Variants in TENM2 observed in about 807,000 individuals in gnomAD.
The protein encoded by TENM2 is teneurin transmembrane protein 2.
TENM2 carries 52 observed loss-of-function variants against 245.2 expected under a neutral mutation model. The ratio of observed to expected loss-of-function variants is 0.21; its 90% CI spans 0.17 to 0.27. The LOEUF (loss-of-function observed/expected upper bound fraction) is 0.27. Ranked by LOEUF, TENM2 falls within the 10% of genes least tolerant of loss-of-function variation. The pLI is 1.00. For synonymous variants in TENM2, 1,363 were observed against 1,438.9 expected (o/e 0.95, Z 1.19); for missense variants, 3,046 against 3,666.8 (o/e 0.83, Z 4.37).
intron 6 of TENM2, among the ~76,000 whole-genome samples, chr5:168,048,989 C>T (rs968740317): frequency 1.3e-5 from 2 of 152,208 alleles, no homozygotes; most frequent in African/African-American, 4.8e-5. Flanking sequence ...AAGCCCAGAG[C>T]CAAATGTATT....
At chr5:167,843,679 T>C (rs1006782061) in intron 2 of TENM2, among the ~76,000 whole-genome samples, 1 of 152,204 alleles carries the variant, frequency 6.6e-6, no homozygotes, top group Non-Finnish European at 1.5e-5. Flanking sequence ...ACAAAACCTG[T>C]GAGCAGATTG....
the TENM2 span, among the ~76,000 whole-genome samples, chr5:167,064,139 T>G: frequency 6.6e-6 from 1 of 152,044 alleles, no homozygotes; most frequent in Non-Finnish European, 1.5e-5. Flanking sequence ...CCCCTACAAT[T>G]TTAAAGTGTC....
chr5:167,098,887 C>T, the TENM2 span, among the ~76,000 whole-genome samples: 1 of 152,196 alleles, frequency 6.6e-6, no homozygotes, highest in Non-Finnish European at 1.5e-5. Flanking sequence ...TTAGCATTGC[C>T]TGAAGTACTT....
At position 167,698,679 on chromosome 5, in the gene TENM2, G is replaced by GTTTTTTTTTTTTTTTTT. The variant is rs1225922111; in HGVS notation, c.503-177301_503-177285dup. On this transcript the variant is annotated intron_variant, in intron 2 of 28. Transcript: ENST00000518659. ...GTGTGTGTGTTTTGTTTTGTTTTTT[G>GTTTTTTTTTTTTTTTTT]TTTTTTTTTTTTTTTTTTTTTTGAG... 1.7e-3 allele frequency among the ~76,000 whole-genome samples: 162 copies of GTTTTTTTTTTTTTTTTT among 97,676 alleles called. 1 individual carries two copies. Among genetic ancestry groups the GTTTTTTTTTTTTTTTTT allele is most frequent in the Middle Eastern group, 7.5e-3 (1 of 134 alleles). The allele number at this position is 97,676 out of a possible 152,430, so 64.1% of individuals were successfully genotyped here.
intron 1 of TENM2, among the ~76,000 whole-genome samples, chr5:167,315,046 G>A (rs1372194756): frequency 1.3e-5 from 2 of 151,764 alleles, no homozygotes; most frequent in Admixed American, 1.3e-4. Context: ...TTCTTGGTTA[G>A]TTAGGTCCCT....
At chr5:167,797,524 G>A (rs567552505) in intron 2 of TENM2, among the ~76,000 whole-genome samples, 7 of 152,312 alleles carry the variant, frequency 4.6e-5, no homozygotes, top group Middle Eastern at 3.4e-3. Context: ...ACCTGCAAGC[G>A]TTTGTGGCAG....
the TENM2 span, among the ~76,000 whole-genome samples, chr5:167,042,099 A>C: frequency 6.6e-6 from 1 of 152,156 alleles, no homozygotes; most frequent in African/African-American, 2.4e-5. Context: ...AATTTCCTTG[A>C]TCAAAGGGAA....
At chr5:168,100,717 C>T (rs1399117132) in intron 9 of TENM2, among the ~76,000 whole-genome samples, 2 of 151,950 alleles carry the variant, frequency 1.3e-5, no homozygotes, top group African/African-American at 4.8e-5. Context: ...GGGAACATCA[C>T]ACAGTGAGGC....
the TENM2 span, among the ~76,000 whole-genome samples, chr5:167,115,193 A>C: frequency 1.3e-5 from 2 of 152,296 alleles, no homozygotes; most frequent in African/African-American, 4.8e-5. Flanking sequence ...GAGACTCCGA[A>C]GAAGTTAGGC....
At chr5:167,529,422 A>G (rs778299926) in intron 2 of TENM2, among the ~76,000 whole-genome samples, 2 of 152,210 alleles carry the variant, frequency 1.3e-5, no homozygotes, top group African/African-American at 4.8e-5. Context: ...CTCTTCAGCA[A>G]TGTTGCTATA....
exon 29 of TENM2, chr5:168,262,545 C>T: frequency 1.3e-6 from 2 of 1,558,042 alleles, no homozygotes; most frequent in Non-Finnish European, 1.7e-6. Flanking sequence ...ACCCCCGACA[C>T]CCTGGACGAA....
intron 22 of TENM2, among the ~76,000 whole-genome samples, chr5:168,217,259 C>CAATGT (rs1763279550): frequency 6.6e-6 from 1 of 152,180 alleles, no homozygotes; most frequent in Non-Finnish European, 1.5e-5. Context: ...ATGTACTGTA[C>CAATGT]AGTGTTATAT....
intron 5 of TENM2, among the ~76,000 whole-genome samples, 194 bp from the exon 8 acceptor site, chr5:168,047,233 C>T (rs945753545): frequency 1.3e-5 from 2 of 152,166 alleles, no homozygotes; most frequent in Non-Finnish European, 1.5e-5. Flanking sequence ...TGAGCAGCAG[C>T]GCCAGAAGGG....
intron 2 of TENM2, among the ~76,000 whole-genome samples, chr5:167,523,763 G>A (rs1013796390): frequency 6.6e-6 from 1 of 152,072 alleles, no homozygotes; most frequent in South Asian, 2.1e-4. Context: ...TTGACCAGGG[G>A]AGAGCTTGCC....
At chr5:167,653,408 A>C (rs1409624411) in intron 2 of TENM2, 2 of 152,198 alleles carry the variant, frequency 1.3e-5, no homozygotes, top group East Asian at 3.8e-4. Context: ...GGCACAAGTT[A>C]CCATGCCTAG....
chr5:167,070,318 A>G, the TENM2 span, among the ~76,000 whole-genome samples: 1 of 102,010 alleles, frequency 9.8e-6, no homozygotes, highest in Non-Finnish European at 1.8e-5. Context: ...TTTAGTAGAG[A>G]TGGGGTTTCA....
intron 2 of TENM2, among the ~76,000 whole-genome samples, chr5:167,623,082 A>C (rs1337599541): frequency 1.3e-5 from 2 of 152,184 alleles, no homozygotes; most frequent in Non-Finnish European, 2.9e-5. Flanking sequence ...GCAGTAAGAC[A>C]TTGTATAAGA....
At chr5:167,558,036 A>G (rs1446745257) in intron 2 of TENM2, among the ~76,000 whole-genome samples, 1 of 152,242 alleles carries the variant, frequency 6.6e-6, no homozygotes, top group Non-Finnish European at 1.5e-5. Flanking sequence ...AGATAATTGC[A>G]TAGAAGATCT....
At chr5:167,214,601 G>GGT in the TENM2 span, among the ~76,000 whole-genome samples, 1 of 151,978 alleles carries the variant, frequency 6.6e-6, no homozygotes, top group Non-Finnish European at 1.5e-5. Flanking sequence ...TATCTATCTC[G>GGT]GTTCTTCTAA....
Sources: allele counts gnomAD v4.1 joint callset (sites outside exome capture counted in the v4.1 genomes callset), GRCh38; gene constraint gnomAD v4.1.1; transcripts MANE v1.5; gene names NCBI Gene and HGNC (gene_info 2026-07-23, HGNC 2026-07-21).